The following DCLK3 variants were observed in gnomAD, a reference collection of about 807,000 sequenced individuals.
The protein encoded by DCLK3 is serine/threonine-protein kinase DCLK3.
DCLK3 carries 30 observed loss-of-function variants against 46.4 expected under a neutral mutation model. That is an observed-to-expected ratio of 0.65 (90% confidence interval 0.48 to 0.88). The LOEUF (loss-of-function observed/expected upper bound fraction) is 0.88, where lower values mean the gene tolerates loss of function less well. Among genes scored for constraint, DCLK3 ranks in the 40% least tolerant of loss-of-function variants. The probability of loss-of-function intolerance (pLI) is 0.00; values close to 1 mark genes in which losing one functional copy is unlikely to be tolerated. For synonymous variants in DCLK3, 401 were observed against 339.2 expected (o/e 1.18, Z -2.00); for missense variants, 846 against 907.1 (o/e 0.93, Z 0.87).
Position 36,738,004 on chromosome 3 carries a change from T to A in DCLK3, c.1163A>T (p.Lys388Met). Residue 388 changes from lysine (K) to methionine (M), a missense_variant, in exon 2 of 5, where the codon AAG becomes ATG. By Grantham distance (95) the Lys-to-Met change is moderately conservative. This residue lies in a region of DCLK3 where 553 missense variants were observed against 543.0 expected (regional missense o/e 1.02). Transcript: ENST00000636136. ...TCTGTCCTCTTTCTTGTCCATGCTC[T>A]TGCTGGGTCTCCTCAGCTCTTGAGT... Reference protein sequence around the residue: ...NPTQELRRPSKSMDKKEDRGP... With the variant: ...NPTQELRRPSMSMDKKEDRGP... 6.2e-7 allele frequency: 1 copy of A among 1,614,200 alleles called. No homozygotes were observed. Among genetic ancestry groups the A allele is most frequent in the Admixed American group, 1.7e-5 (1 of 60,028 alleles).
Position 36,737,626 on chromosome 3 carries a change from A to G in DCLK3, c.1541T>C (p.Met514Thr), listed in dbSNP as rs780432112. 6.2e-6 allele frequency: 10 copies of G among 1,613,990 alleles called. No individual in the cohort carries two copies. The South Asian group carries it at 6.6e-5, about 11-fold the overall frequency. ...TTCCACATTGGCGGCAATGATGCCCATGGGCCGTGGCTTCCGACCGCTGGG... is the reference window on the plus strand; with the variant it reads ...TTCCACATTGGCGGCAATGATGCCCGTGGGCCGTGGCTTCCGACCGCTGGG... ...ERPSGRKPRP[M>T]GIIAANVEKH... Residue 514 changes from methionine (M) to threonine (T), a missense_variant, in exon 2 of 5, where the codon ATG (methionine) becomes ACG (threonine). Physicochemically the swap from Met to Thr is moderately conservative, Grantham distance 81. This residue lies in a region of DCLK3 where 553 missense variants were observed against 543.0 expected (regional missense o/e 1.02). Coordinates refer to ENST00000636136, the MANE Select transcript of DCLK3 (RefSeq NM_001394672.2). This position sits in a 1 kb window ranked among gnomAD's most constrained non-coding sequence, Gnocchi z 4.4.
intron 2 of DCLK3, among the ~76,000 whole-genome samples, chr3:36,726,378 C>T (rs1255127890): frequency 3.3e-5 from 5 of 151,816 alleles, no homozygotes; most frequent in Non-Finnish European, 7.4e-5. Context: ...GCAATCTTAT[C>T]CAAGCAGGAG....
At chr3:36,757,806 C>G (rs144392897) in intron 1 of DCLK3, among the ~76,000 whole-genome samples, 1 of 152,216 alleles carries the variant, frequency 6.6e-6, no homozygotes, top group South Asian at 2.1e-4. Flanking sequence ...CAACCACCCT[C>G]GACCTCCAAG....
chr3:36,738,962 G>C lies in DCLK3; in HGVS notation c.205C>G (p.Arg69Gly), dbSNP rs996384030. ...GNLEKPFLGP[R>G]GPVVPLFCPR... ...CAGAACAAGGGCACGACGGGGCCAC[G>C]CGGCCCCAGGAATGGTTTCTCCAGA... Residue 69 changes from arginine (R) to glycine (G), a missense_variant, in exon 2 of 5, where the codon CGT becomes GGT. Coordinates refer to ENST00000636136, the MANE Select transcript of DCLK3 (RefSeq NM_001394672.2). 6 of 400,240 alleles carry C rather than the reference G, an allele frequency of 1.5e-5. No individual in the cohort carries two copies. The highest frequency in any genetic ancestry group is 4.4e-5 in the Admixed American group (1 of 22,738). The allele number at this position is 400,240 out of a possible 1,614,324, so 24.8% of individuals were successfully genotyped here.
intron 2 of DCLK3, among the ~76,000 whole-genome samples, chr3:36,734,527 T>A (rs983755858): frequency 6.6e-6 from 1 of 152,108 alleles, no homozygotes; most frequent in Non-Finnish European, 1.5e-5. Context: ...GAAATATATA[T>A]ATATGGACTA....
At chr3:36,715,880 C>T (rs1299060006) in intron 4 of DCLK3, among the ~76,000 whole-genome samples, 1 of 152,156 alleles carries the variant, frequency 6.6e-6, no homozygotes, top group Non-Finnish European at 1.5e-5. Context: ...TCTCTGGAAT[C>T]GCAGGGCCAG....
At chr3:36,731,785 C>T (rs936170864) in intron 2 of DCLK3, among the ~76,000 whole-genome samples, 3 of 152,086 alleles carry the variant, frequency 2.0e-5, no homozygotes, top group African/African-American at 4.8e-5. Flanking sequence ...ACCATGGCTG[C>T]GGACTCCTCA....
chr3:36,751,063 TAAA>T (rs5847933), intron 1 of DCLK3, among the ~76,000 whole-genome samples: 2 of 76,474 alleles, frequency 2.6e-5, no homozygotes, highest in African/African-American at 5.6e-5. Context: ...CGGGATGATC[TAAA>T]AAAAAAAAAA....
chr3:36,730,941 C>T (rs537490696), intron 2 of DCLK3, among the ~76,000 whole-genome samples: 1 of 151,966 alleles, frequency 6.6e-6, no homozygotes, highest in African/African-American at 2.4e-5. Flanking sequence ...CAAGCAGGGG[C>T]AGGAGCAGGG....
At position 36,727,047 on chromosome 3, in the gene DCLK3, C is replaced by T. The variant is rs184867073; in HGVS notation, c.1960-5388G>A. ...CATGTAATCCCAGTACTTTGGGAGG[C>T]TTAGGCATGTGGATCACTTGAGGTC... is the stretch of plus-strand genomic sequence containing the variant. On this transcript the variant is annotated intron_variant, in intron 2 of 4. Coordinates refer to ENST00000636136, the MANE Select transcript of DCLK3 (RefSeq NM_001394672.2). 2.8e-3 allele frequency among the ~76,000 whole-genome samples: 430 copies of T among 152,182 alleles called. 2 individuals are homozygous for T. Among genetic ancestry groups the T allele is most frequent in the African/African-American group, 9.3e-3 (388 of 41,500 alleles).
In DCLK3 at chr3:36,715,092, A is replaced by C. The variant is rs150186698; in HGVS notation, c.*236T>G. 2.0e-6 allele frequency: 1 copy of C among 498,414 alleles called. No homozygotes were observed. The highest frequency in any genetic ancestry group is 3.4e-6 in the Non-Finnish European group (1 of 290,724). The allele number at this position is 498,414 out of a possible 1,614,324, so 30.9% of individuals were successfully genotyped here. On this transcript the variant is annotated 3_prime_UTR_variant, in exon 5 of 5. Coordinates refer to ENST00000636136, the MANE Select transcript of DCLK3 (RefSeq NM_001394672.2). The stretch of plus-strand genomic sequence containing the variant: ...TTATTACCAAAATTCCTCACTGATG[A>C]CAATGCTTACCCCCCAAAAATGTAT...
At chr3:36,733,978 C>G (rs190463964) in intron 2 of DCLK3, among the ~76,000 whole-genome samples, 1 of 152,144 alleles carries the variant, frequency 6.6e-6, no homozygotes, top group Admixed American at 6.5e-5. Flanking sequence ...CTTCCCGAAG[C>G]TTAACAAAGA....
At chr3:36,753,824 C>A (rs1701464169) in intron 1 of DCLK3, among the ~76,000 whole-genome samples, 1 of 152,118 alleles carries the variant, frequency 6.6e-6, no homozygotes, top group Admixed American at 6.5e-5. Context: ...CATGAGCCAC[C>A]ACACTCAGCT....
chr3:36,730,038 G>A (rs1202376004), intron 2 of DCLK3, among the ~76,000 whole-genome samples: 3 of 152,034 alleles, frequency 2.0e-5, no homozygotes, highest in African/African-American at 7.2e-5. Context: ...TATTAGCCAC[G>A]TGTGGTGGTT....
Position 36,737,434 on chromosome 3 carries a change from A to G in DCLK3, c.1733T>C (p.Leu578Pro). 1 of 1,614,158 alleles carries G rather than the reference A, an allele frequency of 6.2e-7. No individual in the cohort carries two copies. ...CAATTTCACGATGTTGGGGTGAGAG[A>G]GGCTCTGGATGATCAAGATCTCACT... ...VDSEILIIQS[L>P]SHPNIVKLHE... Residue 578 changes from leucine (L) to proline (P), a missense_variant, in exon 2 of 5, where the codon CTC becomes CCC. By Grantham distance (98) the Leu-to-Pro change is moderately conservative. Coordinates refer to ENST00000636136, the MANE Select transcript of DCLK3 (RefSeq NM_001394672.2). The surrounding 1 kb of genome is among the most constrained non-coding windows in gnomAD (Gnocchi z 4.4).
chr3:36,751,074 A>AAAAAAAAAC (rs1346015873), intron 1 of DCLK3, among the ~76,000 whole-genome samples: 5 of 150,778 alleles, frequency 3.3e-5, no homozygotes, highest in African/African-American at 1.2e-4. Flanking sequence ...AAAAAAAAAA[A>AAAAAAAAAC]AAAAAAAAAA....
intron 2 of DCLK3, among the ~76,000 whole-genome samples, chr3:36,725,759 G>C (rs920516294): frequency 2.0e-5 from 3 of 152,214 alleles, no homozygotes; most frequent in Non-Finnish European, 4.4e-5. Flanking sequence ...ACCTCCACCA[G>C]GTTTTAGAAA....
chr3:36,758,184 C>A (rs2125539305), intron 1 of DCLK3, among the ~76,000 whole-genome samples: 2 of 152,282 alleles, frequency 1.3e-5, no homozygotes, highest in Admixed American at 1.3e-4. Context: ...TCCATGAGTT[C>A]TCAAAATTGT....
In DCLK3 at chr3:36,737,937, C is replaced by A; in HGVS notation, c.1230G>T (p.Lys410Asn). ...GAACTTCCACAAGGTCCTTCTTGGC[C>A]TTGGCTGCTCCCTGAGCATGGCTTT... ...DQESHAQGAA[K>N]AKKDLVEVLP... Residue 410 changes from lysine (K) to asparagine (N), a missense_variant, in exon 2 of 5, where the codon AAG (lysine) becomes AAT (asparagine). Physicochemically the swap from Lys to Asn is moderately conservative, Grantham distance 94. Transcript: ENST00000636136. The surrounding 1 kb of genome is among the most constrained non-coding windows in gnomAD (Gnocchi z 4.4). 6.2e-7 allele frequency: 1 copy of A among 1,614,132 alleles called. No homozygotes were observed. The highest frequency in any genetic ancestry group is 8.5e-7 in the Non-Finnish European group (1 of 1,180,016).
Sources: allele counts gnomAD v4.1 joint callset (sites outside exome capture counted in the v4.1 genomes callset), GRCh38; gene constraint gnomAD v4.1.1; regional missense constraint gnomAD v4.1.1; non-coding constraint Gnocchi (gnomAD v3.1); transcripts MANE v1.5; gene names NCBI Gene and HGNC (gene_info 2026-07-23, HGNC 2026-07-21).